Variants in FOXR1 observed in about 807,000 individuals in gnomAD.
The protein encoded by FOXR1 is forkhead box protein R1.
FOXR1 carries 25 observed loss-of-function variants against 34.5 expected under a neutral mutation model. The observed-to-expected ratio is 0.72, with a 90% CI of 0.53 to 1.01. The LOEUF (loss-of-function observed/expected upper bound fraction) is 1.01. Ranked by LOEUF, FOXR1 falls within the 50% of genes least tolerant of loss-of-function variation. FOXR1 has a pLI of 0.00. For synonymous variants in FOXR1, 153 were observed against 141.6 expected (o/e 1.08, Z -0.57); for missense variants, 373 against 376.2 (o/e 0.99, Z 0.07).
In FOXR1 at chr11:118,981,228, G is replaced by T; in HGVS notation, c.871G>T (p.Asp291Tyr). ...TACAGATGTGATGCCCTTCCTCTTTGATCTTTAACCCCAAGAAGCAACAGC... is the reference window on the plus strand; with the variant it reads ...TACAGATGTGATGCCCTTCCTCTTTTATCTTTAACCCCAAGAAGCAACAGC... ...SQPDVMPFLFDL is the reference protein window; with the variant it reads ...SQPDVMPFLFYL Residue 291 changes from aspartate (D) to tyrosine (Y), a missense_variant, in exon 6 of 6, where the codon GAT (aspartate) becomes TAT (tyrosine). By Grantham distance (160) the Asp-to-Tyr change is radical. Transcript: ENST00000317011. 6.2e-7 allele frequency: 1 copy of T among 1,614,088 alleles called. No homozygotes were observed. Among genetic ancestry groups the T allele is most frequent in the Non-Finnish European group, 8.5e-7 (1 of 1,179,992 alleles).
At position 118,980,494 on chromosome 11, in the gene FOXR1, C is replaced by T. The variant is rs1941842169; in HGVS notation, c.616C>T (p.His206Tyr). Residue 206 changes from histidine to tyrosine, a missense_variant, in exon 5 of 6, where the codon CAC becomes TAC. Physicochemically the swap from His to Tyr is moderately conservative, Grantham distance 83 (BLOSUM62 2). Coordinates refer to ENST00000317011, the MANE Select transcript of FOXR1 (RefSeq NM_181721.3). ...ACCTCTCCTCCCTGTCCATAGAAAG[C>T]ACTTCCCCTTTTTCCGGACGGCCCC... ...VQQIYSFTRK[H>Y]FPFFRTAPEG... 1.2e-6 allele frequency: 2 copies of T among 1,614,158 alleles called. No individual in the cohort carries two copies. The highest frequency in any genetic ancestry group is 1.7e-6 in the Non-Finnish European group (2 of 1,179,982).
intron 1 of FOXR1, among the ~76,000 whole-genome samples, chr11:118,975,465 T>C (rs1358076024): frequency 1.3e-5 from 2 of 150,236 alleles, no homozygotes; most frequent in Non-Finnish European, 3.0e-5. Flanking sequence ...GTGCCCAGGC[T>C]GGACTGCAGT....
chr11:118,975,791 G>A (rs978097518), intron 1 of FOXR1, among the ~76,000 whole-genome samples: 2 of 152,134 alleles, frequency 1.3e-5, no homozygotes, highest in Non-Finnish European at 2.9e-5. Flanking sequence ...TCCTTGGGTC[G>A]CAATGAGATC....
chr11:118,977,997 A>ATCATGAG (rs1403050266), intron 1 of FOXR1, among the ~76,000 whole-genome samples: 7 of 152,174 alleles, frequency 4.6e-5, no homozygotes, highest in Non-Finnish European at 1.0e-4. Flanking sequence ...AGGCAGGCAG[A>ATCATGAG]TCATGAGTCA....
intron 1 of FOXR1, among the ~76,000 whole-genome samples, chr11:118,972,732 C>G (rs764351194): frequency 2.6e-5 from 4 of 152,068 alleles, no homozygotes; most frequent in Non-Finnish European, 5.9e-5. Flanking sequence ...AAACGATTCT[C>G]CCGCCCCAGC....
chr11:118,974,736 A>G (rs1941758489), intron 1 of FOXR1, among the ~76,000 whole-genome samples: 1 of 152,296 alleles, frequency 6.6e-6, no homozygotes, highest in African/African-American at 2.4e-5. Context: ...TAATCCAGAC[A>G]AGAGATGATG....
At chr11:118,972,503 G>A (rs1488627873) in intron 1 of FOXR1, among the ~76,000 whole-genome samples, 1 of 151,910 alleles carries the variant, frequency 6.6e-6, no homozygotes, top group Non-Finnish European at 1.5e-5. Context: ...GTTGACCATC[G>A]CGATCTTTTA....
rs1941707527 is a variant in FOXR1 at position 118,971,889 on chromosome 11, G to A, written c.-43G>A. The A allele has an allele frequency of 6.5e-6, 10 of 1,549,660 alleles. No homozygotes were observed. Among genetic ancestry groups the A allele is most frequent in the East Asian group, 2.4e-5 (1 of 41,072 alleles). On this transcript the variant is annotated 5_prime_UTR_variant, in exon 1 of 6. Coordinates refer to ENST00000317011, the MANE Select transcript of FOXR1 (RefSeq NM_181721.3). ...TGAAGCTCCAACACCTCGACTTCTG[G>A]GCCCGCCTCCATGGCCAGGTCCCGG...
Position 118,980,693 on chromosome 11 carries a change from G to A in FOXR1, c.815G>A (p.Arg272Gln), listed in dbSNP as rs781912369. ...AEEARALAST[R>Q]LESIQQCMSQ... Reference sequence around the variant, plus strand: ...GAGGCCCGCGCCTTGGCTTCCACTCGGCTAGAAAGTATCCAACAGTGCATG... The same window carrying A: ...GAGGCCCGCGCCTTGGCTTCCACTCAGCTAGAAAGTATCCAACAGTGCATG... The change falls in exon 5 of 6, where the codon CGG becomes CAG. Residue 272 changes from arginine (R) to glutamine (Q), a missense_variant. Arg to Gln is a conservative substitution (Grantham distance 43). Transcript: ENST00000317011. 6 of 1,613,798 alleles carry A rather than the reference G, an allele frequency of 3.7e-6. No homozygotes were observed. The highest frequency in any genetic ancestry group is 2.7e-5 in the African/African-American group (2 of 75,074).
intron 1 of FOXR1, among the ~76,000 whole-genome samples, chr11:118,972,820 C>T (rs1441778628): frequency 6.6e-6 from 1 of 152,028 alleles, no homozygotes; most frequent in Non-Finnish European, 1.5e-5. Context: ...GGCAGAGTTT[C>T]ACCATGTTGT....
chr11:118,978,033 A>C (rs1282398491), intron 1 of FOXR1, among the ~76,000 whole-genome samples: 1 of 152,114 alleles, frequency 6.6e-6, no homozygotes, highest in African/African-American at 2.4e-5. Context: ...CCTGGCCAAT[A>C]TGGTGAAACC....
chr11:118,979,169 C>T lies in FOXR1; in HGVS notation c.349C>T (p.Arg117Trp), dbSNP rs782541995. The change falls in exon 3 of 6, where the codon CGG (arginine) becomes TGG (tryptophan). Residue 117 changes from arginine (R) to tryptophan (W), a missense_variant. Arg to Trp is a moderately radical substitution (Grantham distance 101). Transcript: ENST00000317011. The part of the protein sequence containing the change: ...SQSSSKRSPP[R>W]KRFAFSPSTW... ...GTCCTCCAGCAAGCGGTCTCCCCCT[C>T]GGAAGCGGTTTGCCTTTTCCCCCAG... 1.3e-5 allele frequency: 20 copies of T among 1,543,858 alleles called. No homozygotes were observed. Among genetic ancestry groups the T allele is most frequent in the Admixed American group, 1.1e-4 (5 of 46,932 alleles).
intron 1 of FOXR1, among the ~76,000 whole-genome samples, chr11:118,975,756 G>A (rs4938602): frequency 0.45 from 68,220 of 152,026 alleles, 15,890 homozygotes; most frequent in Admixed American, 0.57. Flanking sequence ...GTGCCAAAGA[G>A]AGACACAGAC....
intron 1 of FOXR1, 24 bp from the exon 2 acceptor site, chr11:118,978,758 T>C: frequency 6.2e-7 from 1 of 1,613,262 alleles, no homozygotes; most frequent in South Asian, 1.1e-5. Flanking sequence ...ATGTTTTGAC[T>C]CTCTCTGTCT....
rs1273595608 is a variant in FOXR1, at chr11:118,971,997, G to A, written c.61+5G>A. Reference sequence around the variant, plus strand: ...TCCCCTTAGCGGAGCAGAAACGTGAGTAGCGGGTGGGGTGAGGTGGGGGGC... The same window carrying A: ...TCCCCTTAGCGGAGCAGAAACGTGAATAGCGGGTGGGGTGAGGTGGGGGGC... On this transcript the variant is annotated splice_donor_5th_base_variant and intron_variant, in intron 1 of 5. Coordinates refer to ENST00000317011, the MANE Select transcript of FOXR1 (RefSeq NM_181721.3). 2.0e-6 allele frequency: 3 copies of A among 1,528,576 alleles called. No individual in the cohort carries two copies. The highest frequency in any genetic ancestry group is 2.7e-6 in the Non-Finnish European group (3 of 1,131,510). 94.7% of individuals were successfully genotyped at this position (1,528,576 alleles called of 1,614,324 possible). A position where few individuals can be genotyped will look rare whatever the true frequency, so the allele number is the denominator to read the frequency against.
In FOXR1 at chr11:118,978,970, G is replaced by A; in HGVS notation, c.150G>A (p.Glu50=). The stretch of plus-strand genomic sequence containing the variant: ...TGTTCTGCACAGGTCCAGATTATGA[G>A]CCCAACCTCTGGATGTGGGTAAATC... ...PNPDKDGPDY[E]PNLWMWVNPN... is the part of the protein sequence containing the mutation. Residue 50 remains glutamate, a synonymous_variant, in exon 3 of 6, where the codon GAG becomes GAA. Transcript: ENST00000317011. The A allele has an allele frequency of 6.2e-7, 1 of 1,606,364 alleles. No individual in the cohort carries two copies. The highest frequency in any genetic ancestry group is 8.5e-7 in the Non-Finnish European group (1 of 1,175,200).
intron 4 of FOXR1, 46 bp from the exon 5 acceptor site, chr11:118,980,443 TC>T: frequency 6.3e-7 from 1 of 1,595,262 alleles, no homozygotes; most frequent in South Asian, 1.1e-5. Context: ...AGAAGGGCAT[TC>T]CCCAGACATA....
intron 1 of FOXR1, among the ~76,000 whole-genome samples, chr11:118,977,241 A>G (rs1941790232): frequency 6.6e-6 from 1 of 152,122 alleles, no homozygotes; most frequent in African/African-American, 2.4e-5. Flanking sequence ...CTTGTTGGCC[A>G]GGCTGGTCTC....
intron 1 of FOXR1, 84 bp downstream of exon 1, chr11:118,972,076 C>G: frequency 7.7e-7 from 1 of 1,298,054 alleles, no homozygotes. Context: ...GCAGACGGCT[C>G]CCCAGCCTTC....
Sources: gnomAD v4.1 joint callset for allele counts (sites outside exome capture counted in the v4.1 genomes callset) on GRCh38, gnomAD v4.1.1 for gene constraint, MANE v1.5 for transcripts, NCBI Gene and HGNC (gene_info 2026-07-23, HGNC 2026-07-21) for gene names.